Variants in TCTN2 observed in about 807,000 individuals in gnomAD.
TCTN2 encodes tectonic-2.
TCTN2 carries 66 observed loss-of-function variants against 83.4 expected under a neutral mutation model. That is an observed-to-expected ratio of 0.79 (90% CI 0.65 to 0.97). TCTN2 has a LOEUF of 0.97. Ranked by LOEUF, TCTN2 falls within the 50% of genes least tolerant of loss-of-function variation. The pLI, the probability that TCTN2 is intolerant of heterozygous loss-of-function variation, is 0.00. For missense variants in TCTN2, 794 were observed against 858.1 expected (o/e 0.93, Z 0.93); for synonymous variants, 301 against 326.7 (o/e 0.92, Z 0.85).
chr12:123,676,194 C>T (rs974486751), intron 4 of TCTN2, among the ~76,000 whole-genome samples: 5 of 151,978 alleles, frequency 3.3e-5, no homozygotes, highest in Non-Finnish European at 2.9e-5. Flanking sequence ...GTCGGGGGAT[C>T]GCTTGAGCCC....
intron 14 of TCTN2, among the ~76,000 whole-genome samples, chr12:123,701,833 A>G (rs900629470): frequency 1.3e-5 from 2 of 152,300 alleles, no homozygotes; most frequent in Middle Eastern, 3.4e-3. Flanking sequence ...GCCTCTGGCC[A>G]AAGGTATTTG....
rs760206821 is a variant in TCTN2, at chr12:123,699,777, G to A, written c.1579G>A (p.Ala527Thr). ...TGCAATGAGAGGCAACTCCGATTAC[G>A]CTGATCTTAGTGATGGCTGGCTCGA... is the stretch of plus-strand genomic sequence containing the variant. ...HVAMRGNSDY[A>T]DLSDGWLEII... Residue 527 changes from alanine to threonine, a missense_variant, in exon 14 of 18, where the codon GCT becomes ACT. Transcript: ENST00000303372. 53 of 1,613,994 alleles carry A rather than the reference G, an allele frequency of 3.3e-5. No individual in the cohort carries two copies. The highest frequency in any genetic ancestry group is 4.5e-5 in the Non-Finnish European group (53 of 1,180,010).
At chr12:123,706,640 T>C in intron 15 of TCTN2, 86 bp from the exon 16 acceptor site, 1 of 1,599,640 alleles carries the variant, frequency 6.3e-7, no homozygotes, top group Non-Finnish European at 8.6e-7. Flanking sequence ...CCTCAGGTTA[T>C]ATTGTGATTG....
chr12:123,704,368 G>C (rs1956205321), intron 14 of TCTN2, among the ~76,000 whole-genome samples, 164 bp from the exon 15 acceptor site: 1 of 152,080 alleles, frequency 6.6e-6, no homozygotes, highest in South Asian at 2.1e-4. Context: ...AGACTTTAAG[G>C]GATAACACAG....
chr12:123,689,687 G>A (rs7135660), intron 7 of TCTN2, among the ~76,000 whole-genome samples: 56,343 of 151,736 alleles, frequency 0.37, 11,032 homozygotes, highest in African/African-American at 0.45. Flanking sequence ...AGTAGGGTCC[G>A]GTATAAAAAA....
chr12:123,684,493 C>G (rs779493059), intron 5 of TCTN2, among the ~76,000 whole-genome samples: 2 of 151,130 alleles, frequency 1.3e-5, no homozygotes, highest in African/African-American at 4.9e-5. Flanking sequence ...CTCCGCCTCC[C>G]GGGTTCAAGC....
intron 3 of TCTN2, among the ~76,000 whole-genome samples, chr12:123,672,999 G>A (rs1418685863): frequency 6.6e-6 from 1 of 151,976 alleles, no homozygotes; most frequent in East Asian, 1.9e-4. Flanking sequence ...GCAGTGAGCC[G>A]AGATCACGCC....
At chr12:123,702,516 G>C (rs1307099581) in intron 14 of TCTN2, among the ~76,000 whole-genome samples, 2 of 143,620 alleles carry the variant, frequency 1.4e-5, no homozygotes, top group African/African-American at 5.3e-5. Flanking sequence ...TCTGACTTGG[G>C]GAGGGAGTCC....
chr12:123,701,534 C>CGA lies in TCTN2; in HGVS notation c.1612+1728_1612+1729dup, dbSNP rs1956172385. 2.0e-5 allele frequency among the ~76,000 whole-genome samples: 3 copies of CGA among 151,640 alleles called. No homozygotes were observed. The East Asian group carries it at 5.8e-4, about 29-fold the overall frequency. ...CGGGTGGATCACGAGGTCAGGAGATCGAGAGCATCCTGCCTAACACAGGTG... is the reference window on the plus strand; with the variant it reads ...CGGGTGGATCACGAGGTCAGGAGATCGAGAGAGCATCCTGCCTAACACAGGTG... On this transcript the variant is annotated intron_variant, in intron 14 of 17. Coordinates refer to ENST00000303372, the MANE Select transcript of TCTN2 (RefSeq NM_024809.5).
At chr12:123,694,821 A>G (rs529451190) in intron 9 of TCTN2, 21 bp from the exon 10 acceptor site, 34 of 1,608,488 alleles carry the variant, frequency 2.1e-5, no homozygotes, top group Non-Finnish European at 2.9e-5. Context: ...TTAATTTATG[A>G]ACATATTCTT....
At chr12:123,704,047 G>A (rs531496320) in intron 14 of TCTN2, among the ~76,000 whole-genome samples, 2 of 134,296 alleles carry the variant, frequency 1.5e-5, no homozygotes, top group Admixed American at 8.5e-5. Context: ...TCCCTCTGTC[G>A]CCAGGCTGCA....
intron 14 of TCTN2, among the ~76,000 whole-genome samples, chr12:123,703,749 C>T (rs1031454169): frequency 3.9e-5 from 6 of 152,156 alleles, no homozygotes; most frequent in African/African-American, 1.4e-4. Context: ...CTTGACCTCC[C>T]AAAGTGCTAG....
At chr12:123,696,813 G>C (rs117054754) in intron 12 of TCTN2, 3 of 528,790 alleles carry the variant, frequency 5.7e-6, no homozygotes, top group African/African-American at 1.9e-5. Context: ...AAATAACTTC[G>C]TTCTGAACTG....
chr12:123,684,917 G>C (rs1452770709), intron 5 of TCTN2, among the ~76,000 whole-genome samples: 1 of 151,820 alleles, frequency 6.6e-6, no homozygotes, highest in Admixed American at 6.6e-5. Context: ...GGGTATGTTG[G>C]TGGGTGCCTG....
intron 5 of TCTN2, among the ~76,000 whole-genome samples, chr12:123,680,541 G>A (rs1317602072): frequency 6.9e-6 from 1 of 144,536 alleles, no homozygotes; most frequent in Non-Finnish European, 1.5e-5. Flanking sequence ...TTTTGAGACA[G>A]AGTCTCGCTT....
rs6488892 is a variant in TCTN2 at position 123,687,279 on chromosome 12, T to C, written c.764+244T>C. 0.36 allele frequency among the ~76,000 whole-genome samples: 54,603 copies of C among 151,992 alleles called. 10,287 individuals carry two copies. The highest frequency in any genetic ancestry group is 0.41 in the African/African-American group (17,089 of 41,456). ...GCTCATGGTGCTTTTCTAGGGGAGGTGAAGGAGTGGTGGCTCATGGGAGAT... is the reference window on the plus strand; with the variant it reads ...GCTCATGGTGCTTTTCTAGGGGAGGCGAAGGAGTGGTGGCTCATGGGAGAT... On this transcript the variant is annotated intron_variant, in intron 6 of 17. Coordinates refer to ENST00000303372, the MANE Select transcript of TCTN2 (RefSeq NM_024809.5).
intron 4 of TCTN2, among the ~76,000 whole-genome samples, chr12:123,675,576 T>G (rs1282625960): frequency 6.6e-6 from 1 of 152,206 alleles, no homozygotes; most frequent in Non-Finnish European, 1.5e-5. Flanking sequence ...CAGACTACTG[T>G]GCCCTCAGTG....
At chr12:123,681,761 G>C (rs1187061027) in intron 5 of TCTN2, among the ~76,000 whole-genome samples, 1 of 152,118 alleles carries the variant, frequency 6.6e-6, no homozygotes, top group East Asian at 1.9e-4. Context: ...GATATATATA[G>C]TGGAGTTGCT....
At chr12:123,681,508 A>ACTTT in intron 5 of TCTN2, among the ~76,000 whole-genome samples, 1 of 152,286 alleles carries the variant, frequency 6.6e-6, no homozygotes, top group East Asian at 1.9e-4. Context: ...GTCTTCAGTG[A>ACTTT]CTTTCTTCTT....
Sources: gnomAD v4.1 joint callset for allele counts (sites outside exome capture counted in the v4.1 genomes callset) on GRCh38, gnomAD v4.1.1 for gene constraint, MANE v1.5 for transcripts, NCBI Gene and HGNC (gene_info 2026-07-23, HGNC 2026-07-21) for gene names.